DCP1B: variants seen among roughly 807,000 people sequenced by gnomAD.
The protein encoded by DCP1B is mRNA-decapping enzyme 1B.
A neutral mutation model predicts 60.5 loss-of-function variants in DCP1B; 47 were observed. The observed-to-expected ratio is 0.78, with a 90% confidence interval of 0.61 to 0.99. DCP1B has a LOEUF of 0.99. DCP1B is among the 50% of genes least tolerant of loss of function. The pLI is 0.00. For missense variants in DCP1B, 725 were observed against 756.8 expected (o/e 0.96, Z 0.49); for synonymous variants, 267 against 280.3 (o/e 0.95, Z 0.47).
intron 3 of DCP1B, among the ~76,000 whole-genome samples, chr12:1,987,005 G>A (rs540165967): frequency 6.6e-6 from 1 of 152,120 alleles, no homozygotes; most frequent in Non-Finnish European, 1.5e-5. Flanking sequence ...AATAGAAGTG[G>A]GGATAGAACG....
At chr12:1,961,121 G>A (rs1406470587) in intron 5 of DCP1B, among the ~76,000 whole-genome samples, 1 of 152,212 alleles carries the variant, frequency 6.6e-6, no homozygotes. Flanking sequence ...GGCCCTGAAA[G>A]CTGGATCATA....
At chr12:1,957,294 T>C (rs987820460) in intron 5 of DCP1B, among the ~76,000 whole-genome samples, 6 of 152,178 alleles carry the variant, frequency 3.9e-5, no homozygotes, top group Admixed American at 3.3e-4. Context: ...TAAAATACAA[T>C]AAAACCTCAA....
intron 1 of DCP1B, 122 bp from the exon 2 acceptor site, chr12:1,998,097 G>A (rs2041363198): frequency 1.3e-6 from 1 of 744,730 alleles, no homozygotes; most frequent in Non-Finnish European, 2.1e-6. Context: ...TACCCAACAT[G>A]AGGAGTTATT....
At chr12:1,984,677 G>C (rs1311694645) in intron 3 of DCP1B, among the ~76,000 whole-genome samples, 3 of 140,464 alleles carry the variant, frequency 2.1e-5, no homozygotes, top group Non-Finnish European at 4.5e-5. Context: ...TACTATTTCT[G>C]TTGTTCCTAC....
chr12:1,979,670 G>A lies in DCP1B; in HGVS notation c.320-11760C>T, dbSNP rs2035555152. 2.0e-5 allele frequency among the ~76,000 whole-genome samples: 3 copies of A among 152,354 alleles called. No homozygotes were observed. The South Asian group carries it at 6.2e-4, about 32-fold the overall frequency. On this transcript the variant is annotated intron_variant, in intron 3 of 8. Transcript: ENST00000280665. ...TTGTTGGATCATACGCTAGTTATAT[G>A]TTTAAGTTTATGAGAAATTGCCAAA...
chr12:1,953,094 G>A lies in DCP1B; in HGVS notation c.846C>T (p.His282=). 1.2e-6 allele frequency: 2 copies of A among 1,614,084 alleles called. No homozygotes were observed. The highest frequency in any genetic ancestry group is 1.7e-6 in the Non-Finnish European group (2 of 1,180,022). ...AGAGCTGCTTCTCAATGGGGGGTGA[G>A]TGTCTTCTGGGTTCCTCATAGGACA... is the stretch of plus-strand genomic sequence containing the variant. ...RSLSYEEPRR[H]SPPIEKQLCP... Residue 282 remains histidine, a synonymous_variant, in exon 7 of 9, where the codon CAC becomes CAT. Coordinates refer to ENST00000280665, the MANE Select transcript of DCP1B (RefSeq NM_152640.5).
chr12:1,952,288 C>T (rs2154456568), intron 7 of DCP1B, 128 bp downstream of exon 7: 2 of 1,182,166 alleles, frequency 1.7e-6, no homozygotes, highest in Non-Finnish European at 2.3e-6. Flanking sequence ...ATCCTCCCAC[C>T]TCAGCCTCCT....
At chr12:1,960,059 A>G (rs778040009) in intron 5 of DCP1B, among the ~76,000 whole-genome samples, 5 of 152,202 alleles carry the variant, frequency 3.3e-5, no homozygotes, top group Non-Finnish European at 5.9e-5. Flanking sequence ...TCCAGGGAAA[A>G]TGAAATCAGT....
chr12:1,992,849 C>T (rs1404990932), intron 3 of DCP1B: 1 of 390,964 alleles, frequency 2.6e-6, no homozygotes, highest in African/African-American at 2.0e-5. Flanking sequence ...AACACTTTGT[C>T]AGCTCACTCG....
At chr12:1,998,320 T>C (rs971667847) in intron 1 of DCP1B, among the ~76,000 whole-genome samples, 1 of 152,220 alleles carries the variant, frequency 6.6e-6, no homozygotes, top group African/African-American at 2.4e-5. Flanking sequence ...CTTTTTCTCC[T>C]TCCACCACAC....
chr12:1,994,643 ACT>A (rs2040360472), intron 2 of DCP1B, among the ~76,000 whole-genome samples: 1 of 152,220 alleles, frequency 6.6e-6, no homozygotes, highest in South Asian at 2.1e-4. Context: ...GTCTCTATGA[ACT>A]CTCTATTACA....
chr12:1,942,336 A>G (rs2030300292), downstream of DCP1B, among the ~76,000 whole-genome samples: 1 of 152,178 alleles, frequency 6.6e-6, no homozygotes, highest in Non-Finnish European at 1.5e-5. Context: ...CTACATAATA[A>G]TAGTGGGAGA....
chr12:1,945,592 T>C (rs752008846), downstream of DCP1B, among the ~76,000 whole-genome samples: 16 of 152,244 alleles, frequency 1.1e-4, no homozygotes, highest in Admixed American at 4.6e-4. Context: ...CGTATGTTTA[T>C]TGCAGCACTA....
chr12:1,981,080 T>C (rs936352589), intron 3 of DCP1B, among the ~76,000 whole-genome samples: 2 of 152,218 alleles, frequency 1.3e-5, no homozygotes, highest in African/African-American at 4.8e-5. Context: ...CTTGAACTAT[T>C]AAATTTCCCA....
intron 3 of DCP1B, among the ~76,000 whole-genome samples, chr12:1,983,658 G>C (rs908762623): frequency 6.6e-6 from 1 of 151,692 alleles, no homozygotes; most frequent in Non-Finnish European, 1.5e-5. Flanking sequence ...TTTATCTTGG[G>C]GAATGTTTCA....
intron 6 of DCP1B, among the ~76,000 whole-genome samples, chr12:1,954,614 A>G (rs1466383124): frequency 6.6e-6 from 1 of 152,124 alleles, no homozygotes; most frequent in Non-Finnish European, 1.5e-5. Flanking sequence ...GTGACAAGTC[A>G]TCATATCTGA....
rs1203183918 is a variant in DCP1B, at chr12:1,964,094, G to A, written c.522+1464C>T. Among the ~76,000 whole-genome samples, 4 of 152,096 alleles carry A rather than the reference G, an allele frequency of 2.6e-5. No individual in the cohort carries two copies. The East Asian group carries it at 7.7e-4, about 29-fold the overall frequency. On this transcript the variant is annotated intron_variant, in intron 5 of 8. Transcript: ENST00000280665. ...ACAAACAATAAAACCAATGAATGAAGTTTATAATGTCTTGCAGTTCTTTTT... is the reference window on the plus strand; with the variant it reads ...ACAAACAATAAAACCAATGAATGAAATTTATAATGTCTTGCAGTTCTTTTT...
At chr12:1,998,780 C>T (rs1230023021) in intron 1 of DCP1B, among the ~76,000 whole-genome samples, 3 of 152,180 alleles carry the variant, frequency 2.0e-5, no homozygotes, top group South Asian at 4.1e-4. Flanking sequence ...TGACTAACCA[C>T]GAACCAGACC....
intron 1 of DCP1B, 107 bp downstream of exon 1, chr12:2,004,175 G>C (rs762722089): frequency 4.0e-6 from 6 of 1,493,010 alleles, no homozygotes; most frequent in Non-Finnish European, 5.4e-6. Context: ...CCCACTTCCA[G>C]GGCGTCAACG....
Sources: allele counts gnomAD v4.1 joint callset (sites outside exome capture counted in the v4.1 genomes callset), GRCh38; gene constraint gnomAD v4.1.1; transcripts MANE v1.5; gene names NCBI Gene and HGNC (gene_info 2026-07-23, HGNC 2026-07-21).